The following EPHB2 variants were observed in gnomAD, a reference collection of about 807,000 sequenced individuals.
The protein encoded by EPHB2 is EPH receptor B2.
EPHB2 carries 18 observed loss-of-function variants against 96.4 expected under a neutral mutation model. The observed-to-expected ratio is 0.19, with a 90% CI of 0.13 to 0.28. EPHB2 has a LOEUF of 0.28. EPHB2 is among the 10% of genes least tolerant of loss of function. The probability of loss-of-function intolerance (pLI) is 1.00; values close to 1 mark genes in which losing one functional copy is unlikely to be tolerated. For missense variants in EPHB2, 989 were observed against 1,355.4 expected (o/e 0.73, Z 4.25); for synonymous variants, 506 against 534.1 (o/e 0.95, Z 0.72).
chr1:22,714,932 G>T (rs1340599456), intron 1 of EPHB2, among the ~76,000 whole-genome samples: 3 of 152,126 alleles, frequency 2.0e-5, no homozygotes, highest in African/African-American at 7.2e-5. Context: ...CTGCTTTGTT[G>T]TGCTTCATGA....
At chr1:22,841,788 G>A (rs1244285409) in intron 3 of EPHB2, among the ~76,000 whole-genome samples, 1 of 152,218 alleles carries the variant, frequency 6.6e-6, no homozygotes, top group Non-Finnish European at 1.5e-5. Context: ...TGCCGGAAGT[G>A]TCCATCATTT....
intron 3 of EPHB2, among the ~76,000 whole-genome samples, chr1:22,851,651 C>T (rs1311511178): frequency 6.6e-6 from 1 of 151,760 alleles, no homozygotes; most frequent in African/African-American, 2.4e-5. Flanking sequence ...CCCAGAAGAT[C>T]GTGAAGATTC....
At chr1:22,865,297 A>G in intron 5 of EPHB2, 85 bp downstream of exon 5, 1 of 1,464,648 alleles carries the variant, frequency 6.8e-7, no homozygotes, top group South Asian at 1.1e-5. Context: ...AGACTCCTTC[A>G]CATCTATGGA....
At chr1:22,862,931 T>C (rs1638316998) in intron 3 of EPHB2, 106 bp from the exon 4 acceptor site, 1 of 1,421,766 alleles carries the variant, frequency 7.0e-7, no homozygotes, top group East Asian at 2.3e-5. Flanking sequence ...TGGTGCTGCA[T>C]GGCCCCTCCG....
At chr1:22,731,237 G>A (rs1035510255) in intron 1 of EPHB2, among the ~76,000 whole-genome samples, 2 of 152,308 alleles carry the variant, frequency 1.3e-5, no homozygotes, top group African/African-American at 4.8e-5. Flanking sequence ...CTGGCGGGGG[G>A]AATGGAGGGC....
rs954464722 is a variant in EPHB2, at chr1:22,846,985, T to C, written c.812-16052T>C. 5.3e-5 allele frequency among the ~76,000 whole-genome samples: 8 copies of C among 152,136 alleles called. No homozygotes were observed. Among genetic ancestry groups the C allele is most frequent in the African/African-American group, 1.7e-4 (7 of 41,430 alleles). On this transcript the variant is annotated intron_variant, in intron 3 of 15. Coordinates refer to ENST00000374630, the MANE Select transcript of EPHB2 (RefSeq NM_017449.5). The surrounding 1 kb of genome is among the most constrained non-coding windows in gnomAD (Gnocchi z 4.3). ...CACCAGCCTTGAGGAGGTGAGGCCA[T>C]GTGATAGAGTAGTTAAGACCCTGCC...
chr1:22,727,857 G>A (rs1643619005), intron 1 of EPHB2, among the ~76,000 whole-genome samples: 1 of 148,644 alleles, frequency 6.7e-6, no homozygotes, highest in South Asian at 2.1e-4. Flanking sequence ...TGCCCAGGCT[G>A]GTCTTGAACT....
At chr1:22,896,359 C>G in intron 8 of EPHB2, 55 bp from the exon 9 acceptor site, 42 of 1,612,914 alleles carry the variant, frequency 2.6e-5, no homozygotes, top group Non-Finnish European at 3.6e-5. Context: ...TACTGTGGCT[C>G]CCAGCTCCCT....
At chr1:22,805,445 C>T (rs995643914) in intron 3 of EPHB2, among the ~76,000 whole-genome samples, 1 of 152,182 alleles carries the variant, frequency 6.6e-6, no homozygotes, top group East Asian at 1.9e-4. Flanking sequence ...ACCTGCCACT[C>T]CCCTGTGGCC....
intron 3 of EPHB2, among the ~76,000 whole-genome samples, chr1:22,794,581 G>A (rs1004378200): frequency 1.3e-5 from 2 of 152,146 alleles, no homozygotes; most frequent in East Asian, 1.9e-4. Context: ...ATGCCTTTGT[G>A]CCTTCCACTT....
Position 22,846,023 on chromosome 1 carries a change from C to G in EPHB2, c.812-17014C>G, listed in dbSNP as rs1166633469. ...GTAACTTGTTAAGAAGCCATTTGGC[C>G]CTGGGAAAGTTTGGGATCAGTTAGA... is the stretch of plus-strand genomic sequence containing the variant. On this transcript the variant is annotated intron_variant, in intron 3 of 15. Transcript: ENST00000374630. This position sits in a 1 kb window ranked among gnomAD's most constrained non-coding sequence, Gnocchi z 4.3. 6.6e-6 allele frequency among the ~76,000 whole-genome samples: 1 copy of G among 151,964 alleles called. No individual in the cohort carries two copies. The highest frequency in any genetic ancestry group is 1.5e-5 in the Non-Finnish European group (1 of 68,006).
At chr1:22,752,635 C>T (rs1238695286) in intron 1 of EPHB2, among the ~76,000 whole-genome samples, 1 of 151,094 alleles carries the variant, frequency 6.6e-6, no homozygotes, top group Non-Finnish European at 1.5e-5. Context: ...CTGAAGAAGG[C>T]CTGAGCAGAG....
rs1644573633 is a variant in EPHB2 at position 22,784,117 on chromosome 1, A to G, written c.127-275A>G. Among the ~76,000 whole-genome samples, 1 of 152,088 alleles carries G rather than the reference A, an allele frequency of 6.6e-6. No individual in the cohort carries two copies. Among genetic ancestry groups the G allele is most frequent in the Admixed American group, 6.5e-5 (1 of 15,270 alleles). ...CCCTATTTTCCCCTTCCAGGTGGGA[A>G]CTTCCTGGCCAGGGTCCCTGTCTCC... On this transcript the variant is annotated intron_variant, in intron 2 of 15. Coordinates refer to ENST00000374630, the MANE Select transcript of EPHB2 (RefSeq NM_017449.5). This position sits in a 1 kb window ranked among gnomAD's most constrained non-coding sequence, Gnocchi z 5.1.
At chr1:22,905,764 A>G (rs1013105471) in intron 9 of EPHB2, among the ~76,000 whole-genome samples, 1 of 152,176 alleles carries the variant, frequency 6.6e-6, no homozygotes, top group African/African-American at 2.4e-5. Flanking sequence ...GCTAAGACCT[A>G]TCTGCCACCC....
chr1:22,726,931 C>T (rs1643594602), intron 1 of EPHB2, among the ~76,000 whole-genome samples: 1 of 152,102 alleles, frequency 6.6e-6, no homozygotes, highest in African/African-American at 2.4e-5. Flanking sequence ...GAAGGGCATT[C>T]TTAGCAGGGG....
chr1:22,754,222 G>C (rs1213249946), intron 1 of EPHB2, among the ~76,000 whole-genome samples: 1 of 152,180 alleles, frequency 6.6e-6, no homozygotes, highest in Non-Finnish European at 1.5e-5. Context: ...GTGGCTCAAA[G>C]GTGCTCAGAA....
At chr1:22,780,550 C>T (rs903602102) in intron 1 of EPHB2, among the ~76,000 whole-genome samples, 8 of 152,136 alleles carry the variant, frequency 5.3e-5, no homozygotes, top group South Asian at 4.1e-4. Context: ...AAGATGTGTG[C>T]GCCAGAGGAG....
chr1:22,884,260 C>T (rs1178920897), intron 6 of EPHB2, among the ~76,000 whole-genome samples: 1 of 152,182 alleles, frequency 6.6e-6, no homozygotes, highest in African/African-American at 2.4e-5. Context: ...AATCCCAGCA[C>T]TTTGGGAGGC....
At chr1:22,772,202 C>A (rs1644388236) in intron 1 of EPHB2, among the ~76,000 whole-genome samples, 1 of 152,162 alleles carries the variant, frequency 6.6e-6, no homozygotes, top group Non-Finnish European at 1.5e-5. Flanking sequence ...TAGTGAGCAG[C>A]CAGGCTGGCC....
Sources: allele counts gnomAD v4.1 joint callset (sites outside exome capture counted in the v4.1 genomes callset), GRCh38; gene constraint gnomAD v4.1.1; non-coding constraint Gnocchi (gnomAD v3.1); transcripts MANE v1.5; gene names NCBI Gene and HGNC (gene_info 2026-07-23, HGNC 2026-07-21).